TDRD12: variants seen among roughly 807,000 people sequenced by gnomAD.
The protein encoded by TDRD12 is putative ATP-dependent RNA helicase TDRD12.
A neutral mutation model predicts 133.5 loss-of-function variants in TDRD12; 158 were observed. The ratio of observed to expected loss-of-function variants is 1.18; its 90% CI spans 1.04 to 1.35. The LOEUF (loss-of-function observed/expected upper bound fraction) is 1.35, where lower values mean the gene tolerates loss of function less well. Ranked by LOEUF, TDRD12 falls within the 40% of genes most tolerant of loss-of-function variation. The pLI, the probability that TDRD12 is intolerant of heterozygous loss-of-function variation, is 0.00. For synonymous variants in TDRD12, 460 were observed against 477.9 expected, an observed-to-expected ratio of 0.96 and a Z score of 0.49; for missense variants, 1,443 against 1,321.3, an observed-to-expected ratio of 1.09 and a Z score of -1.43.
chr19:32,756,746 T>C (rs148590718), intron 7 of TDRD12, among the ~76,000 whole-genome samples: 1 of 152,248 alleles, frequency 6.6e-6, no homozygotes, highest in East Asian at 1.9e-4. Context: ...AATTTAGAGA[T>C]ACTAAGAAAA....
rs1970494846 is a variant in TDRD12, at chr19:32,773,492, G to T, written c.1000G>T (p.Gly334Cys). 1 of 1,551,680 alleles carries T rather than the reference G, an allele frequency of 6.4e-7. No individual in the cohort carries two copies. The highest frequency in any genetic ancestry group is 2.0e-5 in the Admixed American group (1 of 50,964). ...CTCAGTGTACTGGCCAGCAAAAAGAGGCATAACCATATATGCTGATCCAGA... is the reference window on the plus strand; with the variant it reads ...CTCAGTGTACTGGCCAGCAAAAAGATGCATAACCATATATGCTGATCCAGA... The change falls in exon 10 of 28, where the codon GGC (glycine) becomes TGC (cysteine). Residue 334 changes from glycine (G) to cysteine (C), a missense_variant. Physicochemically the swap from Gly to Cys is radical, Grantham distance 159. Transcript: ENST00000444215.
chr19:32,752,899 T>C (rs2145530572), intron 6 of TDRD12, among the ~76,000 whole-genome samples: 1 of 151,464 alleles, frequency 6.6e-6, no homozygotes, highest in South Asian at 2.1e-4. Context: ...TTCATGCCAT[T>C]CTCCTGCCTC....
At chr19:32,738,278 T>C (rs74633612) in intron 2 of TDRD12, among the ~76,000 whole-genome samples, 9,620 of 152,242 alleles carry the variant, frequency 0.063, 520 homozygotes, top group East Asian at 0.24. Flanking sequence ...TTTTCTTATT[T>C]TACTTTCTAA....
chr19:32,800,905 A>T (rs972691108), intron 18 of TDRD12, 133 bp downstream of exon 18: 1 of 952,646 alleles, frequency 1.0e-6, no homozygotes, highest in Non-Finnish European at 1.5e-6. Flanking sequence ...CAATCAGAAG[A>T]GGAGGTGGGG....
At chr19:32,787,209 T>C (rs1302879481) in intron 11 of TDRD12, among the ~76,000 whole-genome samples, 1 of 152,182 alleles carries the variant, frequency 6.6e-6, no homozygotes, top group African/African-American at 2.4e-5. Context: ...TGTTGGAGTT[T>C]GCTGGAGGTC....
At chr19:32,827,378 T>TTTTTTTTA in exon 10 of TDRD12, 1 of 406,574 alleles carries the variant, frequency 2.5e-6, no homozygotes, top group African/African-American at 2.7e-5. Flanking sequence ...TTTTCTTTTT[T>TTTTTTTTA]TTTTTTTTTT....
At chr19:32,751,866 T>G (rs1193450784) in intron 6 of TDRD12, among the ~76,000 whole-genome samples, 1 of 151,852 alleles carries the variant, frequency 6.6e-6, no homozygotes, top group African/African-American at 2.4e-5. Flanking sequence ...ATTTTTAATT[T>G]TTATTATTTA....
rs928093349 is a variant in TDRD12 at position 32,807,529 on chromosome 19, T to C, written c.2553-20T>C. ...ACAATTATTACTTACTTATGATAAG[T>C]CTAGTCATTTCATTTTCAGAGACAA... On this transcript the variant is annotated intron_variant, in intron 21 of 27. Coordinates refer to ENST00000444215, the Ensembl canonical transcript of TDRD12. 2.1e-6 allele frequency: 3 copies of C among 1,461,532 alleles called. No individual in the cohort carries two copies. In the African/African-American group the frequency reaches 4.3e-5, roughly 21 times the overall value. 90.5% of individuals were successfully genotyped at this position (1,461,532 alleles called of 1,614,324 possible).
intron 8 of TDRD12, among the ~76,000 whole-genome samples, chr19:32,764,051 G>A (rs1408295478): frequency 6.8e-6 from 1 of 146,990 alleles, no homozygotes; most frequent in Non-Finnish European, 1.5e-5. Context: ...GTGTAAGATT[G>A]ACAAATCTTG....
chr19:32,733,267 G>A (rs994113723), intron 2 of TDRD12, among the ~76,000 whole-genome samples: 2 of 152,134 alleles, frequency 1.3e-5, no homozygotes, highest in Admixed American at 1.3e-4. Context: ...TCAGGAGTTC[G>A]AGACCAGCCT....
exon 2 of TDRD12, chr19:32,731,755 A>T (rs1969062010): frequency 6.5e-7 from 1 of 1,546,932 alleles, no homozygotes; most frequent in Non-Finnish European, 8.7e-7. Context: ...CTGGGTTATT[A>T]TAAAAGGGTG....
At chr19:32,764,150 G>T (rs1025795069) in intron 8 of TDRD12, among the ~76,000 whole-genome samples, 6 of 104,218 alleles carry the variant, frequency 5.8e-5, no homozygotes, top group East Asian at 6.7e-4. Flanking sequence ...TCACCCTGTT[G>T]CCCAGGCTGG....
chr19:32,766,689 A>G (rs1008900847), intron 8 of TDRD12, among the ~76,000 whole-genome samples: 2 of 151,678 alleles, frequency 1.3e-5, no homozygotes, highest in African/African-American at 4.8e-5. Context: ...ATCTTGGCTC[A>G]CTACACCCTC....
intron 11 of TDRD12, among the ~76,000 whole-genome samples, chr19:32,781,361 C>G (rs1206095614): frequency 1.3e-5 from 2 of 152,182 alleles, no homozygotes; most frequent in East Asian, 3.9e-4. Flanking sequence ...TGGTTTGTGC[C>G]TGATATGTCC....
At chr19:32,780,415 T>G (rs1970728867) in intron 11 of TDRD12, among the ~76,000 whole-genome samples, 1 of 152,188 alleles carries the variant, frequency 6.6e-6, no homozygotes, top group Non-Finnish European at 1.5e-5. Context: ...GTGATACCAT[T>G]TCAATGTCAG....
At chr19:32,741,093 G>GT (rs546697248) in intron 3 of TDRD12, among the ~76,000 whole-genome samples, 121 of 152,106 alleles carry the variant, frequency 8.0e-4, no homozygotes, top group Middle Eastern at 3.4e-3. Context: ...GTTTTGTTTT[G>GT]TTTTTTTGAG....
At chr19:32,796,040 C>A in intron 14 of TDRD12, 1 of 485,276 alleles carries the variant, frequency 2.1e-6, no homozygotes, top group South Asian at 8.8e-5. Context: ...AACCATTTCA[C>A]TGAGAAAGAG....
chr19:32,769,607 T>A (rs894549567), intron 8 of TDRD12, among the ~76,000 whole-genome samples: 1 of 152,136 alleles, frequency 6.6e-6, no homozygotes, highest in African/African-American at 2.4e-5. Flanking sequence ...GTGCCACTTA[T>A]GATTCTTTAA....
At chr19:32,812,802 G>T (rs765850269) in intron 24 of TDRD12, among the ~76,000 whole-genome samples, 2 of 152,168 alleles carry the variant, frequency 1.3e-5, no homozygotes, top group East Asian at 3.9e-4. Context: ...GGTCCCTTTC[G>T]CCCTGCTTTG....
Sources: gnomAD v4.1 joint callset for allele counts (sites outside exome capture counted in the v4.1 genomes callset) on GRCh38, gnomAD v4.1.1 for gene constraint, MANE v1.5 for transcripts, NCBI Gene and HGNC (gene_info 2026-07-23, HGNC 2026-07-21) for gene names.